The following ZC3HC1 variants were observed in gnomAD, a reference collection of about 807,000 sequenced individuals.
ZC3HC1 encodes zinc finger C3HC-type protein 1.
A neutral mutation model predicts 61.9 loss-of-function variants in ZC3HC1; 38 were observed. That is an observed-to-expected ratio of 0.61 (90% CI 0.47 to 0.81). The LOEUF is 0.81. ZC3HC1 is among the 30% of genes least tolerant of loss of function. The pLI is 0.00. For synonymous variants in ZC3HC1, 213 were observed against 229.9 expected (o/e 0.93, Z 0.67); for missense variants, 554 against 622.7 (o/e 0.89, Z 1.17).
At chr7:130,033,445 CTTTTTTTTTTTTTTT>C (rs3043729) in intron 4 of ZC3HC1, among the ~76,000 whole-genome samples, 1 of 82,852 alleles carries the variant, frequency 1.2e-5, no homozygotes, top group Non-Finnish European at 2.3e-5. Flanking sequence ...CTATAGCATT[CTTTTTTTTTTTTTTT>C]TTTTTTTTTT....
chr7:130,030,118 AAAGGCCTTGCT>A (rs1794108617), intron 4 of ZC3HC1, among the ~76,000 whole-genome samples: 1 of 152,064 alleles, frequency 6.6e-6, no homozygotes. Context: ...ATGAGTGCAG[AAAGGCCTTGCT>A]AAGCTACTTC....
chr7:130,025,870 CAAAAAAAAA>C (rs71175064), intron 6 of ZC3HC1, among the ~76,000 whole-genome samples: 5 of 58,582 alleles, frequency 8.5e-5, no homozygotes, highest in Admixed American at 5.5e-4. Flanking sequence ...GACTCCGTCT[CAAAAAAAAA>C]AAAAAAAAAA....
chr7:130,019,362 C>G (rs1793529465), intron 9 of ZC3HC1, among the ~76,000 whole-genome samples: 1 of 152,078 alleles, frequency 6.6e-6, no homozygotes, highest in Non-Finnish European at 1.5e-5. Flanking sequence ...ACTGGTTTTT[C>G]ATTCATGATG....
upstream of ZC3HC1, chr7:130,051,399 T>G: frequency 1.2e-6 from 2 of 1,610,622 alleles, no homozygotes; most frequent in Admixed American, 1.7e-5. Flanking sequence ...TCCCCGAGAG[T>G]TTGAAGGCTC....
At chr7:130,034,708 CCCAAACTCCTGG>C (rs1227474291) in intron 4 of ZC3HC1, among the ~76,000 whole-genome samples, 1 of 152,014 alleles carries the variant, frequency 6.6e-6, no homozygotes, top group Non-Finnish European at 1.5e-5. Context: ...CCAGCCTGGT[CCCAAACTCCTGG>C]CCGCAAGTGA....
At chr7:130,018,897 C>T (rs1350493857) in intron 9 of ZC3HC1, among the ~76,000 whole-genome samples, 165 bp from the exon 10 acceptor site, 1 of 152,048 alleles carries the variant, frequency 6.6e-6, no homozygotes, top group African/African-American at 2.4e-5. Context: ...GATCGAGGGG[C>T]CAACGTTCTA....
chr7:130,035,978 T>C (rs1794416121), intron 4 of ZC3HC1, among the ~76,000 whole-genome samples: 1 of 152,174 alleles, frequency 6.6e-6, no homozygotes, highest in Non-Finnish European at 1.5e-5. Flanking sequence ...TGTTCTGTGA[T>C]GGGGTGATTT....
chr7:130,019,816 T>G (rs899313539), intron 9 of ZC3HC1, among the ~76,000 whole-genome samples: 9 of 140,586 alleles, frequency 6.4e-5, no homozygotes, highest in African/African-American at 1.9e-4. Context: ...CAGGTTTTTT[T>G]TTTTTTTTTT....
chr7:130,051,117 T>C (rs868310098), intron 1 of ZC3HC1, 104 bp downstream of exon 1: 3 of 1,434,948 alleles, frequency 2.1e-6, no homozygotes, highest in South Asian at 1.5e-5. Context: ...CCATCCCCAC[T>C]GCCCGAGTCG....
chr7:130,037,721 C>T (rs1429595511), intron 4 of ZC3HC1, among the ~76,000 whole-genome samples: 1 of 152,118 alleles, frequency 6.6e-6, no homozygotes, highest in Non-Finnish European at 1.5e-5. Context: ...AGTGGTAAAT[C>T]ATGGAATATT....
chr7:130,050,895 A>G (rs1795048654), intron 1 of ZC3HC1, among the ~76,000 whole-genome samples: 1 of 152,246 alleles, frequency 6.6e-6, no homozygotes, highest in Admixed American at 6.5e-5. Flanking sequence ...AAGCTTCTCC[A>G]GAGAGCCAAA....
At chr7:130,044,069 T>C (rs1264001978) in intron 2 of ZC3HC1, among the ~76,000 whole-genome samples, 2 of 152,156 alleles carry the variant, frequency 1.3e-5, no homozygotes, top group Non-Finnish European at 2.9e-5. Context: ...TACATGTGAA[T>C]GTGTGTGTCT....
chr7:130,024,185 A>C, intron 7 of ZC3HC1, 78 bp downstream of exon 7: 1 of 1,512,286 alleles, frequency 6.6e-7, no homozygotes, highest in East Asian at 2.3e-5. Flanking sequence ...CACCTAAATT[A>C]ATTTCCAACT....
intron 2 of ZC3HC1, 145 bp from the exon 3 acceptor site, chr7:130,041,246 G>T: frequency 1.1e-6 from 1 of 891,808 alleles, no homozygotes; most frequent in Non-Finnish European, 1.6e-6. Context: ...GGAGTGCAGT[G>T]GCACGATCTA....
intron 4 of ZC3HC1, among the ~76,000 whole-genome samples, chr7:130,034,471 C>A (rs540067129): frequency 1.9e-5 from 2 of 107,952 alleles, no homozygotes; most frequent in East Asian, 5.8e-4. Context: ...GGCGACAGAG[C>A]GAGACTCCGT....
At position 130,023,789 on chromosome 7, in the gene ZC3HC1, T is replaced by C; in HGVS notation, c.1021-66A>G. 2 of 1,348,816 alleles carry C rather than the reference T, an allele frequency of 1.5e-6. No homozygotes were observed. Among genetic ancestry groups the C allele is most frequent in the South Asian group, 2.7e-5 (2 of 73,286 alleles). The allele number at this position is 1,348,816 out of a possible 1,614,324, so 83.6% of individuals were successfully genotyped here. A position where few individuals can be genotyped will look rare whatever the true frequency, so the allele number is the denominator to read the frequency against. ...TAATGATTATGGTCAGAAATACTTC[T>C]TTCTTTAATCTTTTTTCTTTTTTTT... On this transcript the variant is annotated intron_variant, in intron 7 of 9. Coordinates refer to ENST00000358303, the MANE Select transcript of ZC3HC1 (RefSeq NM_016478.5). The surrounding 1 kb of genome is among the most constrained non-coding windows in gnomAD (Gnocchi z 4.2).
chr7:130,019,308 C>G (rs1793524486), intron 9 of ZC3HC1, among the ~76,000 whole-genome samples: 1 of 152,288 alleles, frequency 6.6e-6, no homozygotes, highest in South Asian at 2.1e-4. Flanking sequence ...CTCGGCCTCC[C>G]AAAGTGCTGG....
upstream of ZC3HC1, chr7:130,051,393 C>G (rs199541050): frequency 8.1e-6 from 13 of 1,612,334 alleles, no homozygotes; most frequent in South Asian, 1.2e-4. Flanking sequence ...GTTGCTTCCC[C>G]GAGAGTTTGA....
At chr7:130,024,109 T>C (rs1793774625) in intron 7 of ZC3HC1, among the ~76,000 whole-genome samples, 154 bp downstream of exon 7, 1 of 152,194 alleles carries the variant, frequency 6.6e-6, no homozygotes, top group Non-Finnish European at 1.5e-5. Context: ...TGAATTTAGC[T>C]TCCCCATTAG....
Sources: gnomAD v4.1 joint callset for allele counts (sites outside exome capture counted in the v4.1 genomes callset) on GRCh38, gnomAD v4.1.1 for gene constraint, Gnocchi (gnomAD v3.1) non-coding constraint, MANE v1.5 for transcripts, NCBI Gene and HGNC (gene_info 2026-07-23, HGNC 2026-07-21) for gene names.